SIK3: variants seen among roughly 807,000 people sequenced by gnomAD.
SIK3 encodes the protein serine/threonine-protein kinase SIK3.
In SIK3, 28 loss-of-function variants were observed where a neutral mutation model predicts 144.2. That is an observed-to-expected ratio of 0.19 (90% CI 0.14 to 0.27). The LOEUF (loss-of-function observed/expected upper bound fraction) is 0.27. Ranked by LOEUF, SIK3 falls within the 10% of genes least tolerant of loss-of-function variation. The pLI is 1.00. For synonymous variants in SIK3, 686 were observed against 676.3 expected (o/e 1.01, Z -0.22); for missense variants, 1,319 against 1,776.0 (o/e 0.74, Z 4.62).
intron 3 of SIK3, among the ~76,000 whole-genome samples, chr11:116,953,275 T>G (rs932052510): frequency 1.3e-5 from 2 of 152,212 alleles, no homozygotes; most frequent in African/African-American, 4.8e-5. Context: ...TGATAAATTT[T>G]TTTTAAAATG....
chr11:116,984,593 T>C (rs752864776), intron 1 of SIK3, among the ~76,000 whole-genome samples: 12 of 152,172 alleles, frequency 7.9e-5, no homozygotes, highest in Non-Finnish European at 1.6e-4. Flanking sequence ...AAATGGTTGT[T>C]TCGTGTACTG....
chr11:117,026,385 T>A (rs539114794), intron 1 of SIK3, among the ~76,000 whole-genome samples: 1 of 152,160 alleles, frequency 6.6e-6, no homozygotes, highest in African/African-American at 2.4e-5. Flanking sequence ...TCAGAATGTA[T>A]CCCCATCGCT....
At chr11:117,095,361 A>T (rs1955430315) in intron 1 of SIK3, among the ~76,000 whole-genome samples, 1 of 152,108 alleles carries the variant, frequency 6.6e-6, no homozygotes, top group Middle Eastern at 3.2e-3. Flanking sequence ...CAAGGGGAAA[A>T]AAAAATCACA....
At chr11:116,939,526 T>C (rs1195904110) in intron 3 of SIK3, among the ~76,000 whole-genome samples, 3 of 152,246 alleles carry the variant, frequency 2.0e-5, no homozygotes, top group East Asian at 3.8e-4. Context: ...TGGGAAACTT[T>C]ATAAAGGATC....
At chr11:117,046,641 G>A (rs992954324) in intron 1 of SIK3, among the ~76,000 whole-genome samples, 2 of 152,162 alleles carry the variant, frequency 1.3e-5, no homozygotes, top group African/African-American at 4.8e-5. Flanking sequence ...CACTTTGGGA[G>A]GTGGAAGGAG....
chr11:116,874,173 A>G, intron 11 of SIK3, 117 bp from the exon 12 acceptor site: 1 of 1,079,508 alleles, frequency 9.3e-7, no homozygotes, highest in Non-Finnish European at 1.3e-6. Context: ...TTCTTCCTGA[A>G]TTTATGTTTC....
intron 1 of SIK3, among the ~76,000 whole-genome samples, chr11:117,067,329 T>C (rs528566279): frequency 5.3e-5 from 8 of 152,178 alleles, no homozygotes; most frequent in African/African-American, 1.9e-4. Flanking sequence ...ATCCATACAA[T>C]GTAACACTAC....
intron 4 of SIK3, among the ~76,000 whole-genome samples, chr11:116,920,666 C>T (rs1946914996): frequency 6.6e-6 from 1 of 152,190 alleles, no homozygotes; most frequent in South Asian, 2.1e-4. Context: ...ATCATCCAAT[C>T]ACATGACACT....
intron 3 of SIK3, among the ~76,000 whole-genome samples, chr11:116,936,116 A>G (rs1947902866): frequency 6.6e-6 from 1 of 152,194 alleles, no homozygotes; most frequent in African/African-American, 2.4e-5. Context: ...CTTTATTTTT[A>G]TAATTTAAAA....
chr11:116,844,642 A>ATATATAGAATATATATATAATATATATAT lies in SIK3; in HGVS notation c.*1000_*1001insATATATATATTATATATATATTCTATATA. 1 of 79,464 alleles carries ATATATAGAATATATATATAATATATATAT rather than the reference A, an allele frequency of 1.3e-5. No homozygotes were observed. The highest frequency in any genetic ancestry group is 1.2e-4 in the Admixed American group (1 of 8,064). 4.9% of individuals were successfully genotyped at this position (79,464 alleles called of 1,614,324 possible). A position where few individuals can be genotyped will look rare whatever the true frequency, so the allele number is the denominator to read the frequency against. ...TAATATATATATAATATATTATATT[A>ATATATAGAATATATATATAATATATATAT]TATATTATATATATAATATATATAT... On this transcript the variant is annotated 3_prime_UTR_variant, in exon 25 of 25. Transcript: ENST00000445177.
intron 16 of SIK3, among the ~76,000 whole-genome samples, chr11:116,862,872 G>A (rs754252003): frequency 1.5e-4 from 23 of 152,106 alleles, no homozygotes; most frequent in Non-Finnish European, 1.2e-4. Flanking sequence ...TCAGAAGTTC[G>A]AGACATAGCC....
chr11:116,968,212 G>A (rs1170455729), intron 1 of SIK3, among the ~76,000 whole-genome samples: 5 of 151,918 alleles, frequency 3.3e-5, no homozygotes, highest in Admixed American at 6.6e-5. Context: ...GCGCCATCTC[G>A]GCTCACTGCA....
chr11:116,908,032 G>GTTT (rs1591293393), intron 4 of SIK3, among the ~76,000 whole-genome samples: 1 of 150,164 alleles, frequency 6.7e-6, no homozygotes, highest in East Asian at 1.9e-4. Context: ...CTCAGGGGAT[G>GTTT]GAAGAATTTC....
At chr11:116,996,558 G>A (rs865790801) in intron 1 of SIK3, among the ~76,000 whole-genome samples, 2 of 151,974 alleles carry the variant, frequency 1.3e-5, no homozygotes, top group Admixed American at 6.6e-5. Flanking sequence ...GGTGGCTCAC[G>A]CCTGTAATCC....
intron 21 of SIK3, among the ~76,000 whole-genome samples, chr11:116,851,799 C>T (rs961342016): frequency 6.6e-5 from 10 of 152,212 alleles, no homozygotes; most frequent in South Asian, 2.1e-4. Flanking sequence ...CGCATGTTGG[C>T]GCCAGGGCCA....
chr11:117,034,696 T>A (rs1052738717), intron 1 of SIK3, among the ~76,000 whole-genome samples: 19 of 152,204 alleles, frequency 1.2e-4, no homozygotes, highest in African/African-American at 4.6e-4. Flanking sequence ...ATTCCAATTA[T>A]CAATTGTATT....
intron 1 of SIK3, among the ~76,000 whole-genome samples, chr11:117,032,652 C>T (rs1011692640): frequency 6.7e-6 from 1 of 150,198 alleles, no homozygotes; most frequent in African/African-American, 2.5e-5. Flanking sequence ...GACTATGACA[C>T]GCATCACCAC....
At chr11:116,871,078 A>G (rs933212195) in intron 13 of SIK3, among the ~76,000 whole-genome samples, 1 of 152,236 alleles carries the variant, frequency 6.6e-6, no homozygotes, top group Non-Finnish European at 1.5e-5. Context: ...ATTGTGTAGT[A>G]TCAATTCACT....
chr11:116,896,915 T>A (rs1385872280), intron 5 of SIK3, among the ~76,000 whole-genome samples: 1 of 151,548 alleles, frequency 6.6e-6, no homozygotes, highest in Non-Finnish European at 1.5e-5. Flanking sequence ...TAATCCCAAC[T>A]ACTTGTGAGG....
Sources: allele counts gnomAD v4.1 joint callset (sites outside exome capture counted in the v4.1 genomes callset), GRCh38; gene constraint gnomAD v4.1.1; transcripts MANE v1.5; gene names NCBI Gene and HGNC (gene_info 2026-07-23, HGNC 2026-07-21).